NAT1: variants seen among roughly 807,000 people sequenced by gnomAD.
NAT1 encodes N-acetyltransferase 1, also known as arylamine N-acetyltransferase 1.
For missense variants in NAT1, 400 were observed against 339.2 expected, an observed-to-expected ratio of 1.18 and a Z score of -1.41; for synonymous variants, 144 against 122.6, an observed-to-expected ratio of 1.17 and a Z score of -1.16.
At chr8:18,177,123 G>A (rs1217736180) in intron 2 of NAT1, among the ~76,000 whole-genome samples, 2 of 151,826 alleles carry the variant, frequency 1.3e-5, no homozygotes, top group South Asian at 2.1e-4. Flanking sequence ...AATCTTTAGG[G>A]TTTTGTATAT....
chr8:18,216,615 C>G (rs1330542274), intron 1 of NAT1, among the ~76,000 whole-genome samples: 1 of 152,134 alleles, frequency 6.6e-6, no homozygotes, highest in East Asian at 1.9e-4. Flanking sequence ...ATAGGTCTGT[C>G]CTGGGGGTGA....
At chr8:18,203,640 C>T (rs1425644424) in intron 2 of NAT1, among the ~76,000 whole-genome samples, 1 of 152,196 alleles carries the variant, frequency 6.6e-6, no homozygotes, top group African/African-American at 2.4e-5. Flanking sequence ...AAGGGACAGA[C>T]ATTATCCTCA....
chr8:18,180,120 G>C (rs1802453709), intron 2 of NAT1, among the ~76,000 whole-genome samples: 1 of 151,410 alleles, frequency 6.6e-6, no homozygotes. Context: ...AATTGGGGGA[G>C]CTAGAGGGAA....
chr8:18,181,660 C>G (rs535697508), intron 2 of NAT1, among the ~76,000 whole-genome samples: 1 of 152,232 alleles, frequency 6.6e-6, no homozygotes, highest in African/African-American at 2.4e-5. Context: ...TGTTCCAGAT[C>G]TTAGGGCATA....
chr8:18,190,584 T>C (rs1802942532), intron 2 of NAT1, among the ~76,000 whole-genome samples: 2 of 152,180 alleles, frequency 1.3e-5, no homozygotes, highest in African/African-American at 4.8e-5. Flanking sequence ...CTTTCAGCTG[T>C]GGACCTAGAA....
At position 18,195,525 on chromosome 8, in the gene NAT1, A is replaced by G. The variant is rs148107471; in HGVS notation, n.93-14256A>G. On this transcript the variant is annotated intron_variant and non_coding_transcript_variant, in intron 2 of 4. Transcript: ENST00000517441. ...TTGGTGGAAGTTTGGACCCATCCCC[A>G]GAGAACTGTATACGCTTCCTGCTTT... 7.2e-3 allele frequency among the ~76,000 whole-genome samples: 1,103 copies of G among 152,314 alleles called. 13 individuals are homozygous for G. The highest frequency in any genetic ancestry group is 0.026 in the African/African-American group (1,077 of 41,570).
At chr8:18,220,237 T>G (rs1427807894) in intron 2 of NAT1, among the ~76,000 whole-genome samples, 1 of 152,038 alleles carries the variant, frequency 6.6e-6, no homozygotes, top group Non-Finnish European at 1.5e-5. Context: ...ATCTAATAGA[T>G]TTGGAGAAAT....
intron 2 of NAT1, among the ~76,000 whole-genome samples, chr8:18,182,575 G>A (rs918959368): frequency 3.3e-5 from 5 of 152,164 alleles, no homozygotes; most frequent in African/African-American, 4.8e-5. Context: ...CATGAATTTG[G>A]TGTCCACATG....
rs536595248 is a variant in NAT1, at chr8:18,196,425, C to T, written n.93-13356C>T. 1.8e-4 allele frequency among the ~76,000 whole-genome samples: 27 copies of T among 151,956 alleles called. No individual in the cohort carries two copies. In the South Asian group the frequency reaches 5.4e-3, roughly 30 times the overall value. ...AAAAAGAAAAAAAAAATAAGTTGTGCCTCTATAAAAGCCACCCACCAAACA... is the reference window on the plus strand; with the variant it reads ...AAAAAGAAAAAAAAAATAAGTTGTGTCTCTATAAAAGCCACCCACCAAACA... On this transcript the variant is annotated intron_variant and non_coding_transcript_variant, in intron 2 of 4. Coordinates refer to the NAT1 transcript ENST00000517441.
chr8:18,223,057 G>A lies in NAT1; in HGVS notation c.*137G>A. On this transcript the variant is annotated 3_prime_UTR_variant, in exon 3 of 3. Coordinates refer to ENST00000307719, the MANE Select transcript of NAT1 (RefSeq NM_000662.8). ...ATCAAATCATTTCACCTATAAAAAT[G>A]TCATCATATATAATTAAACAGCTTT... 3 of 516,076 alleles carry A rather than the reference G, an allele frequency of 5.8e-6. No individual in the cohort carries two copies. Among genetic ancestry groups the A allele is most frequent in the Non-Finnish European group, 9.1e-6 (3 of 330,610 alleles). The allele number at this position is 516,076 out of a possible 1,614,324, so 32.0% of individuals were successfully genotyped here.
chr8:18,189,921 C>G lies in NAT1; in HGVS notation n.92+19182C>G, dbSNP rs1490238330. ...TCTCCTGCCTCAGCCTCCTGAGTAG[C>G]TGGGACTACATGCACGTGCCACCAC... On this transcript the variant is annotated intron_variant and non_coding_transcript_variant, in intron 2 of 4. Transcript: ENST00000517441. Among the ~76,000 whole-genome samples, 3 of 152,248 alleles carry G rather than the reference C, an allele frequency of 2.0e-5. No individual in the cohort carries two copies. The East Asian group carries it at 5.8e-4, about 29-fold the overall frequency.
At chr8:18,221,112 C>T (rs957103499) in intron 2 of NAT1, among the ~76,000 whole-genome samples, 2 of 152,170 alleles carry the variant, frequency 1.3e-5, no homozygotes, top group African/African-American at 4.8e-5. Flanking sequence ...TGTCAGATCT[C>T]ATCTCAGTCC....
At chr8:18,207,856 G>T (rs1803791380), upstream of NAT1, among the ~76,000 whole-genome samples, 1 of 152,188 alleles carries the variant, frequency 6.6e-6, no homozygotes. Flanking sequence ...CAAAGACATG[G>T]AATCAACCCA....
chr8:18,201,846 C>T (rs1324714030), intron 2 of NAT1, among the ~76,000 whole-genome samples: 3 of 152,188 alleles, frequency 2.0e-5, no homozygotes, highest in African/African-American at 7.2e-5. Flanking sequence ...TTTTCACACA[C>T]ATATGAAGCC....
chr8:18,216,546 T>C (rs1804690478), intron 1 of NAT1, among the ~76,000 whole-genome samples: 1 of 152,136 alleles, frequency 6.6e-6, no homozygotes, highest in Admixed American at 6.5e-5. Context: ...CATTTTCTCA[T>C]CTTCAATAAG....
At chr8:18,212,056 C>CT (rs1204120380) in intron 1 of NAT1, among the ~76,000 whole-genome samples, 1 of 152,052 alleles carries the variant, frequency 6.6e-6, no homozygotes, top group East Asian at 1.9e-4. Flanking sequence ...TTGTTTATAA[C>CT]TTTTTTAAGA....
upstream of NAT1, among the ~76,000 whole-genome samples, chr8:18,208,131 G>A (rs1035041000): frequency 2.0e-5 from 3 of 151,880 alleles, no homozygotes; most frequent in Admixed American, 6.6e-5. Context: ...GGAGGGTGGG[G>A]GTATGGGGAG....
intron 1 of NAT1, among the ~76,000 whole-genome samples, chr8:18,217,972 A>G (rs534864873): frequency 6.6e-6 from 1 of 152,206 alleles, no homozygotes; most frequent in East Asian, 1.9e-4. Context: ...CTCTACCTTT[A>G]TTGGAGTGGC....
intron 2 of NAT1, among the ~76,000 whole-genome samples, chr8:18,187,204 TG>T (rs2117242025): frequency 6.6e-6 from 1 of 152,266 alleles, no homozygotes; most frequent in South Asian, 2.1e-4. Context: ...AAATAACACA[TG>T]CTGGCGAGGC....
Sources: gnomAD v4.1 joint callset for allele counts (sites outside exome capture counted in the v4.1 genomes callset) on GRCh38, gnomAD v4.1.1 for gene constraint, MANE v1.5 for transcripts, NCBI Gene and HGNC (gene_info 2026-07-23, HGNC 2026-07-21) for gene names.